The following FAF1 variants were observed in gnomAD, a reference collection of about 807,000 sequenced individuals.
The protein encoded by FAF1 is FAS-associated factor 1.
A neutral mutation model predicts 92.5 loss-of-function variants in FAF1; 25 were observed. The observed-to-expected ratio is 0.27, with a 90% CI of 0.20 to 0.38. The LOEUF (loss-of-function observed/expected upper bound fraction) is 0.38. Among genes scored for constraint, FAF1 ranks in the 10% least tolerant of loss-of-function variants. The probability of loss-of-function intolerance (pLI) is 1.00; values close to 1 mark genes in which losing one functional copy is unlikely to be tolerated. For synonymous variants in FAF1, 234 were observed against 273.2 expected, an observed-to-expected ratio of 0.86 and a Z score of 1.42; for missense variants, 636 against 793.3, an observed-to-expected ratio of 0.80 and a Z score of 2.38.
At chr1:50,662,661 A>G (rs1002958382) in intron 7 of FAF1, among the ~76,000 whole-genome samples, 1 of 145,968 alleles carries the variant, frequency 6.9e-6, no homozygotes, top group Non-Finnish European at 1.5e-5. Flanking sequence ...ATAATCACAC[A>G]TTTATTAAAA....
chr1:50,603,877 C>T (rs1652260089), intron 8 of FAF1, among the ~76,000 whole-genome samples: 1 of 152,134 alleles, frequency 6.6e-6, no homozygotes, highest in Non-Finnish European at 1.5e-5. Context: ...AAGACATGTG[C>T]AGGTCAAGAT....
chr1:50,746,971 A>C (rs559290571), intron 4 of FAF1, among the ~76,000 whole-genome samples: 1 of 152,336 alleles, frequency 6.6e-6, no homozygotes, highest in South Asian at 2.1e-4. Flanking sequence ...TGTGGTGTTA[A>C]GCCTGCAGGT....
At chr1:50,510,771 T>A (rs1300896805) in intron 15 of FAF1, among the ~76,000 whole-genome samples, 1 of 152,222 alleles carries the variant, frequency 6.6e-6, no homozygotes, top group African/African-American at 2.4e-5. Flanking sequence ...TTTCTCTTTT[T>A]TTTAAGGACA....
chr1:50,690,727 C>T (rs963808049), intron 7 of FAF1, among the ~76,000 whole-genome samples: 1 of 152,132 alleles, frequency 6.6e-6, no homozygotes, highest in Non-Finnish European at 1.5e-5. Flanking sequence ...ACAAAAACAA[C>T]AAAAATTCAA....
At chr1:50,856,659 T>C (rs752773175) in intron 2 of FAF1, among the ~76,000 whole-genome samples, 19 of 151,820 alleles carry the variant, frequency 1.3e-4, no homozygotes, top group Non-Finnish European at 2.2e-4. Context: ...TCCAAAAATA[T>C]GCATGTAATT....
chr1:50,647,552 C>A (rs1487056846), intron 8 of FAF1, among the ~76,000 whole-genome samples: 1 of 152,008 alleles, frequency 6.6e-6, no homozygotes, highest in East Asian at 1.9e-4. Context: ...TTTCTTTTAA[C>A]AGAGTTGTTC....
intron 7 of FAF1, among the ~76,000 whole-genome samples, chr1:50,687,139 C>T (rs1037445584): frequency 5.9e-5 from 9 of 152,020 alleles, no homozygotes; most frequent in South Asian, 4.1e-4. Context: ...TGAAACTTGG[C>T]ATTTTTATAT....
chr1:50,741,465 A>G lies in FAF1; in HGVS notation c.460-2511T>C, dbSNP rs998815940. On this transcript the variant is annotated intron_variant, in intron 5 of 18. Transcript: ENST00000396153. The stretch of plus-strand genomic sequence containing the variant: ...TTATTTGAAATGTAATAAAAAAGCT[A>G]TGTTTTAATGGGAGAGTGATATAAT... Among the ~76,000 whole-genome samples the G allele has an allele frequency of 9.2e-5, 14 of 152,348 alleles. 1 individual carries two copies. The highest frequency in any genetic ancestry group is 4.1e-4 in the South Asian group (2 of 4,826).
chr1:50,957,732 C>A lies in FAF1; in HGVS notation c.45+2035G>T, dbSNP rs571172016. Among the ~76,000 whole-genome samples, 5 of 152,106 alleles carry A rather than the reference C, an allele frequency of 3.3e-5. No homozygotes were observed. In the South Asian group the frequency reaches 1.0e-3, roughly 32 times the overall value. On this transcript the variant is annotated intron_variant, in intron 1 of 18. Transcript: ENST00000396153. ...AGTACAAGAAGCCTAAATTTCCTGT[C>A]CTTTAGCCAATATAAGGTTAACAGT...
rs1045107165 is a variant in FAF1, at chr1:50,665,239, T to C, written c.658-9711A>G. On this transcript the variant is annotated intron_variant, in intron 7 of 18. Coordinates refer to ENST00000396153, the MANE Select transcript of FAF1 (RefSeq NM_007051.3). ...TCAATTTTATATAACACTTTAAAGA[T>C]TGGACACATGAATCAAGAAATACTG... Among the ~76,000 whole-genome samples the C allele has an allele frequency of 4.6e-5, 7 of 152,346 alleles. No homozygotes were observed. In the South Asian group the frequency reaches 6.2e-4, roughly 14 times the overall value.
intron 7 of FAF1, among the ~76,000 whole-genome samples, chr1:50,695,375 T>TA (rs759953014): frequency 5.1e-4 from 74 of 144,916 alleles, no homozygotes; most frequent in African/African-American, 7.0e-4. Context: ...ACCATTGCAC[T>TA]AAAAAAAAAA....
intron 8 of FAF1, among the ~76,000 whole-genome samples, chr1:50,616,512 C>T (rs963227765): frequency 6.6e-6 from 1 of 152,034 alleles, no homozygotes; most frequent in East Asian, 1.9e-4. Context: ...TGATTTCTTT[C>T]AGCAGTGTTT....
intron 7 of FAF1, among the ~76,000 whole-genome samples, chr1:50,659,502 G>T (rs551534685): frequency 6.6e-6 from 1 of 152,132 alleles, no homozygotes; most frequent in African/African-American, 2.4e-5. Flanking sequence ...TTCTGACGGA[G>T]TTTCATCTTT....
intron 12 of FAF1, among the ~76,000 whole-genome samples, chr1:50,575,841 G>A (rs1407445005): frequency 1.3e-5 from 2 of 152,194 alleles, no homozygotes; most frequent in Non-Finnish European, 2.9e-5. Flanking sequence ...AACTACAGCT[G>A]TGGCCTCAAA....
chr1:50,607,297 T>TA (rs1483994725), intron 8 of FAF1, among the ~76,000 whole-genome samples: 1 of 152,198 alleles, frequency 6.6e-6, no homozygotes, highest in African/African-American at 2.4e-5. Flanking sequence ...GGACCTGGGT[T>TA]AAAACTCTAA....
intron 12 of FAF1, among the ~76,000 whole-genome samples, chr1:50,573,871 T>C (rs1226550085): frequency 4.0e-5 from 6 of 151,428 alleles, no homozygotes; most frequent in African/African-American, 7.3e-5. Flanking sequence ...TTCACGCCTG[T>C]AATTTCACCA....
chr1:50,510,058 G>A (rs549344397), intron 15 of FAF1, among the ~76,000 whole-genome samples: 1 of 151,440 alleles, frequency 6.6e-6, no homozygotes, highest in African/African-American at 2.4e-5. Context: ...AGTCCCAGCT[G>A]CTCAGGAGGC....
At chr1:50,519,993 T>C (rs1164948059) in intron 15 of FAF1, among the ~76,000 whole-genome samples, 1 of 152,132 alleles carries the variant, frequency 6.6e-6, no homozygotes, top group African/African-American at 2.4e-5. Context: ...CATCCATATA[T>C]CTCCTGGTGT....
At chr1:50,846,812 AT>A in intron 2 of FAF1, 1 of 635,272 alleles carries the variant, frequency 1.6e-6, no homozygotes. Context: ...TTAAAGGAAA[AT>A]TATATTACAC....
Sources: allele counts gnomAD v4.1 joint callset (sites outside exome capture counted in the v4.1 genomes callset), GRCh38; gene constraint gnomAD v4.1.1; transcripts MANE v1.5; gene names NCBI Gene and HGNC (gene_info 2026-07-23, HGNC 2026-07-21).